Variants in DOCK4 observed in about 807,000 individuals in gnomAD.
DOCK4 encodes dedicator of cytokinesis 4.
A neutral mutation model predicts 268.1 loss-of-function variants in DOCK4; 97 were observed. The ratio of observed to expected loss-of-function variants is 0.36; its 90% CI spans 0.31 to 0.43. The LOEUF (loss-of-function observed/expected upper bound fraction) is 0.43. DOCK4 is among the 20% of genes least tolerant of loss of function. The pLI is 1.00. For missense variants in DOCK4, 2,145 were observed against 2,455.7 expected, an observed-to-expected ratio of 0.87 and a Z score of 2.67; for synonymous variants, 954 against 887.2, an observed-to-expected ratio of 1.08 and a Z score of -1.34.
intron 1 of DOCK4, among the ~76,000 whole-genome samples, chr7:112,147,677 G>A (rs1815641114): frequency 6.6e-6 from 1 of 151,874 alleles, no homozygotes; most frequent in African/African-American, 2.4e-5. Flanking sequence ...AAATAAGGCG[G>A]TTATCTGAGA....
intron 1 of DOCK4, among the ~76,000 whole-genome samples, chr7:112,096,266 C>T (rs1410808139): frequency 6.6e-6 from 1 of 152,048 alleles, no homozygotes; most frequent in Non-Finnish European, 1.5e-5. Flanking sequence ...ACCTTGACCT[C>T]CTGGGCTCAA....
chr7:111,728,091 ATC>A lies in DOCK4; in HGVS notation c.*181_*182del. The stretch of plus-strand genomic sequence containing the variant: ...GAAATTCAGCCATACTTCATTTAAC[ATC>A]TGGCGTTTTAGATCAGCAACTTTTA... On this transcript the variant is annotated 3_prime_UTR_variant, in exon 53 of 53. Coordinates refer to ENST00000428084, the MANE Select transcript of DOCK4 (RefSeq NM_001363540.2). 2.3e-6 allele frequency: 1 copy of A among 438,818 alleles called. No individual in the cohort carries two copies. 27.2% of individuals were successfully genotyped at this position (438,818 alleles called of 1,614,324 possible). A position where few individuals can be genotyped will look rare whatever the true frequency, so the allele number is the denominator to read the frequency against.
chr7:112,188,851 T>C (rs1370499179), intron 1 of DOCK4, among the ~76,000 whole-genome samples: 1 of 152,252 alleles, frequency 6.6e-6, no homozygotes, highest in Non-Finnish European at 1.5e-5. Context: ...CATTTTATCC[T>C]ACTAAACTTA....
At chr7:111,925,662 A>T (rs1793547513) in intron 12 of DOCK4, among the ~76,000 whole-genome samples, 1 of 152,220 alleles carries the variant, frequency 6.6e-6, no homozygotes, top group South Asian at 2.1e-4. Context: ...CAAAGTACCC[A>T]AATTACAGCT....
intron 23 of DOCK4, among the ~76,000 whole-genome samples, chr7:111,855,389 G>A (rs75209046): frequency 0.062 from 9,364 of 152,132 alleles, 345 homozygotes; most frequent in Middle Eastern, 0.14. Flanking sequence ...AGAGACAAAG[G>A]GCAAAAGGGA....
intron 44 of DOCK4, 21 bp downstream of exon 44, chr7:111,746,313 G>A (rs773470010): frequency 3.1e-6 from 5 of 1,602,668 alleles, no homozygotes; most frequent in Non-Finnish European, 4.3e-6. Context: ...ATAGAAGGGG[G>A]TTGGCTTCTG....
chr7:111,860,973 A>G (rs1444486207), intron 23 of DOCK4, among the ~76,000 whole-genome samples: 1 of 152,214 alleles, frequency 6.6e-6, no homozygotes, highest in Non-Finnish European at 1.5e-5. Context: ...TTGCTCTTTT[A>G]GTGCAAGACT....
rs1018669909 is a variant in DOCK4, at chr7:111,726,593, C to T, written c.*1681G>A. ...ATATGTTCCTTTTCTCAATTATGAA[C>T]ACTTTCACTAAACATAAATATTTAA... is the stretch of plus-strand genomic sequence containing the variant. On this transcript the variant is annotated 3_prime_UTR_variant, in exon 53 of 53. Transcript: ENST00000428084. 4.6e-5 allele frequency: 7 copies of T among 152,590 alleles called. No individual in the cohort carries two copies. Among genetic ancestry groups the T allele is most frequent in the South Asian group, 2.1e-4 (1 of 4,830 alleles). The allele number at this position is 152,590 out of a possible 1,614,324, so 9.5% of individuals were successfully genotyped here. A position where few individuals can be genotyped will look rare whatever the true frequency, so the allele number is the denominator to read the frequency against.
In DOCK4 at chr7:112,099,642, T is replaced by G. The variant is rs117071211; in HGVS notation, c.38-95511A>C. ...GACTGAATTCATGAATAAACATTTTTGTATAGGTTCACTGACCTTATACAC... is the reference window on the plus strand; with the variant it reads ...GACTGAATTCATGAATAAACATTTTGGTATAGGTTCACTGACCTTATACAC... On this transcript the variant is annotated intron_variant, in intron 1 of 52. Coordinates refer to ENST00000428084, the MANE Select transcript of DOCK4 (RefSeq NM_001363540.2). 9.6e-4 allele frequency among the ~76,000 whole-genome samples: 147 copies of G among 152,358 alleles called. 1 individual carries two copies. The highest frequency in any genetic ancestry group is 1.5e-3 in the Non-Finnish European group (104 of 68,044).
chr7:111,899,173 C>A (rs1790920867), intron 15 of DOCK4, among the ~76,000 whole-genome samples: 1 of 152,224 alleles, frequency 6.6e-6, no homozygotes, highest in Non-Finnish European at 1.5e-5. Context: ...ATGTATGAAG[C>A]TCTTGAGTCA....
chr7:112,056,930 T>C lies in DOCK4; in HGVS notation c.38-52799A>G, dbSNP rs888386646. 3.9e-5 allele frequency among the ~76,000 whole-genome samples: 6 copies of C among 152,160 alleles called. No homozygotes were observed. In the East Asian group the frequency reaches 1.2e-3, roughly 29 times the overall value. ...TTTAATATTTTATTAAACATAACTA[T>C]ATATTGTATATTAGACATCAGCTAT... On this transcript the variant is annotated intron_variant, in intron 1 of 52. Transcript: ENST00000428084.
chr7:111,899,990 C>A (rs1045613601), intron 15 of DOCK4, among the ~76,000 whole-genome samples: 1 of 152,202 alleles, frequency 6.6e-6, no homozygotes, highest in African/African-American at 2.4e-5. Context: ...CTTTTTCCAG[C>A]TGACATTATT....
chr7:112,039,506 C>A (rs1439452902), intron 1 of DOCK4, among the ~76,000 whole-genome samples: 1 of 151,478 alleles, frequency 6.6e-6, no homozygotes, highest in African/African-American at 2.4e-5. Context: ...ATACATTATA[C>A]TTATCCTTAA....
At chr7:111,898,226 G>A (rs973452173) in intron 15 of DOCK4, among the ~76,000 whole-genome samples, 1 of 152,160 alleles carries the variant, frequency 6.6e-6, no homozygotes, top group Non-Finnish European at 1.5e-5. Context: ...GCTATTCCTT[G>A]AAAAGGCCAA....
intron 11 of DOCK4, among the ~76,000 whole-genome samples, chr7:111,938,973 CAA>C (rs557205821): frequency 1.5e-4 from 8 of 53,666 alleles, no homozygotes; most frequent in Admixed American, 2.0e-4. Flanking sequence ...GACTCTGTCT[CAA>C]AAAAAAAAAA....
intron 25 of DOCK4, among the ~76,000 whole-genome samples, chr7:111,838,623 T>C (rs561549135): frequency 2.6e-5 from 4 of 152,280 alleles, no homozygotes; most frequent in African/African-American, 2.4e-5. Flanking sequence ...ATTCCATTCA[T>C]ATCAAATTCT....
rs374190181 is a variant in DOCK4, at chr7:111,752,300, G to A, written c.4416+3215C>T. Reference sequence around the variant, plus strand: ...ATAACTTAAGTTTAAAAAGGTCACTGGCTGCCATGTACAGAGGAGACTACA... The same window carrying A: ...ATAACTTAAGTTTAAAAAGGTCACTAGCTGCCATGTACAGAGGAGACTACA... On this transcript the variant is annotated intron_variant, in intron 42 of 52. Coordinates refer to ENST00000428084, the MANE Select transcript of DOCK4 (RefSeq NM_001363540.2). 2.2e-3 allele frequency among the ~76,000 whole-genome samples: 334 copies of A among 152,044 alleles called. 3 individuals are homozygous for A. The highest frequency in any genetic ancestry group is 7.8e-3 in the African/African-American group (323 of 41,462).
intron 23 of DOCK4, among the ~76,000 whole-genome samples, chr7:111,855,521 G>A (rs551897456): frequency 3.9e-5 from 6 of 152,310 alleles, no homozygotes; most frequent in Admixed American, 2.0e-4. Flanking sequence ...TAAGGAGCCT[G>A]TGAGATATCC....
At chr7:112,054,668 C>T (rs1563038425) in intron 1 of DOCK4, among the ~76,000 whole-genome samples, 1 of 152,034 alleles carries the variant, frequency 6.6e-6, no homozygotes, top group African/African-American at 2.4e-5. Context: ...GATTTATTCA[C>T]CTATGCTCCC....
Sources: gnomAD v4.1 joint callset for allele counts (sites outside exome capture counted in the v4.1 genomes callset) on GRCh38, gnomAD v4.1.1 for gene constraint, MANE v1.5 for transcripts, NCBI Gene and HGNC (gene_info 2026-07-23, HGNC 2026-07-21) for gene names.